The following PCDHGA1 variants were observed in gnomAD, a reference collection of about 807,000 sequenced individuals.
PCDHGA1 encodes the protein protocadherin gamma subfamily A, 1.
PCDHGA1 carries 32 observed loss-of-function variants against 58.0 expected under a neutral mutation model. That is an observed-to-expected ratio of 0.55 (90% confidence interval 0.42 to 0.74). PCDHGA1 has a LOEUF of 0.74. PCDHGA1 is among the 30% of genes least tolerant of loss of function. The pLI is 0.00. For synonymous variants in PCDHGA1, 498 were observed against 501.1 expected, an observed-to-expected ratio of 0.99 and a Z score of 0.08; for missense variants, 1,205 against 1,182.3, an observed-to-expected ratio of 1.02 and a Z score of -0.28.
At chr5:141,364,213 C>A (rs1212511912) in intron 1 of PCDHGA1, 4 of 1,275,024 alleles carry the variant, frequency 3.1e-6, no homozygotes, top group East Asian at 2.6e-5. Context: ...CAAGCTCCTA[C>A]GAAAAGCCAA....
intron 1 of PCDHGA1, chr5:141,342,794 G>T (rs2149729055): frequency 6.6e-6 from 1 of 152,260 alleles, no homozygotes; most frequent in Non-Finnish European, 1.5e-5. Flanking sequence ...ATATTTCTGT[G>T]CTTGGAAACT....
intron 1 of PCDHGA1, among the ~76,000 whole-genome samples, chr5:141,454,222 T>C (rs1411974754): frequency 6.6e-6 from 1 of 152,118 alleles, no homozygotes; most frequent in African/African-American, 2.4e-5. Flanking sequence ...ATGAGAAAAG[T>C]AATTGTGATG....
intron 1 of PCDHGA1, chr5:141,394,693 G>C: frequency 1.2e-6 from 2 of 1,613,006 alleles, no homozygotes; most frequent in Non-Finnish European, 1.7e-6. Context: ...GGCGAGGTGC[G>C]CACGGCGCGA....
At chr5:141,482,957 C>A (rs2099575063) in intron 1 of PCDHGA1, among the ~76,000 whole-genome samples, 2 of 57,944 alleles carry the variant, frequency 3.5e-5, no homozygotes, top group Admixed American at 1.5e-4. Context: ...CCTGTAATTC[C>A]AGCTACTTGA....
At chr5:141,398,506 A>G (rs2093664607) in intron 1 of PCDHGA1, 1 of 1,601,998 alleles carries the variant, frequency 6.2e-7, no homozygotes, top group South Asian at 1.1e-5. Context: ...CGAGGACATT[A>G]ATGACCACAC....
At chr5:141,441,864 G>A in intron 1 of PCDHGA1, 3 of 344,518 alleles carry the variant, frequency 8.7e-6, no homozygotes, top group Admixed American at 4.1e-5. Context: ...TGCACGCCGC[G>A]GAGCCTGGCT....
At chr5:141,392,973 C>A (rs1405082783) in intron 1 of PCDHGA1, 1 of 1,613,888 alleles carries the variant, frequency 6.2e-7, no homozygotes, top group South Asian at 1.1e-5. Flanking sequence ...GGACCTGGGG[C>A]TGGACCCCCG....
rs1419222918 is a variant in PCDHGA1, at chr5:141,360,532, T to C, written c.2421+27427T>C. ...GGATATAAATGATAATACCCCGCTA[T>C]TCAAACAGACTAAGATTAATTTAAA... On this transcript the variant is annotated intron_variant, in intron 1 of 3. Coordinates refer to ENST00000517417, the MANE Select transcript of PCDHGA1 (RefSeq NM_018912.3). 3 of 1,613,892 alleles carry C rather than the reference T, an allele frequency of 1.9e-6. No individual in the cohort carries two copies. The Admixed American group carries it at 5.0e-5, about 27-fold the overall frequency.
intron 1 of PCDHGA1, chr5:141,362,672 T>A: frequency 8.1e-7 from 1 of 1,241,688 alleles, no homozygotes; most frequent in Non-Finnish European, 1.1e-6. Context: ...TGTTGTGCCT[T>A]AATTGTCTTA....
In PCDHGA1 at chr5:141,332,160, A is replaced by G; in HGVS notation, c.1476A>G (p.Ile492Met). 1 of 1,614,188 alleles carries G rather than the reference A, an allele frequency of 6.2e-7. No individual in the cohort carries two copies. The highest frequency in any genetic ancestry group is 8.5e-7 in the Non-Finnish European group (1 of 1,180,044). ...ATGCACAAATCACTTACTCCCTAAT[A>G]GAGGACACTATCCAGGGGGCACCCC... Reference protein sequence around the residue: ...NENAQITYSLIEDTIQGAPLS... With the variant: ...NENAQITYSLMEDTIQGAPLS... Residue 492 changes from isoleucine (I) to methionine (M), a missense_variant, in exon 1 of 4, where the codon ATA becomes ATG. Coordinates refer to ENST00000517417, the MANE Select transcript of PCDHGA1 (RefSeq NM_018912.3). This position sits in a 1 kb window ranked among gnomAD's most constrained non-coding sequence, Gnocchi z 4.6.
In PCDHGA1 at chr5:141,489,663, C is replaced by T. The variant is rs1183544696; in HGVS notation, c.2422-5144C>T. The T allele has an allele frequency of 1.9e-6, 3 of 1,614,048 alleles. No individual in the cohort carries two copies. The highest frequency in any genetic ancestry group is 2.2e-5 in the South Asian group (2 of 91,094). ...TTGCCACCCCTGAGCGAGAGATGCGCATCTCAGAATCAGCAGCATCTGGGG... is the reference window on the plus strand; with the variant it reads ...TTGCCACCCCTGAGCGAGAGATGCGTATCTCAGAATCAGCAGCATCTGGGG... On this transcript the variant is annotated intron_variant, in intron 1 of 3. Coordinates refer to ENST00000517417, the MANE Select transcript of PCDHGA1 (RefSeq NM_018912.3). This position sits in a 1 kb window ranked among gnomAD's most constrained non-coding sequence, Gnocchi z 4.5.
In PCDHGA1 at chr5:141,376,126, C is replaced by T. The variant is rs770848918; in HGVS notation, c.2421+43021C>T. 8 of 1,613,916 alleles carry T rather than the reference C, an allele frequency of 5.0e-6. No individual in the cohort carries two copies. In the East Asian group the frequency reaches 1.3e-4, roughly 27 times the overall value. On this transcript the variant is annotated intron_variant, in intron 1 of 3. Transcript: ENST00000517417. ...CCGACCTGGGCAGCCTCGAGCCCTCCGCCAAACCCAACGATTCGGACCTCA... is the reference window on the plus strand; with the variant it reads ...CCGACCTGGGCAGCCTCGAGCCCTCTGCCAAACCCAACGATTCGGACCTCA...
rs765045682 is a variant in PCDHGA1 at position 141,331,104 on chromosome 5, T to C, written c.420T>C (p.Phe140=). Residue 140 remains phenylalanine, a synonymous_variant, in exon 1 of 4, where the codon TTT becomes TTC. Coordinates refer to ENST00000517417, the MANE Select transcript of PCDHGA1 (RefSeq NM_018912.3). ...TPQFQLEELE[F]KMNEITTPGT... is the part of the protein sequence containing the mutation. ...AATTCCAGTTAGAGGAACTGGAGTT[T>C]AAAATGAATGAAATAACGACTCCAG... 3.7e-6 allele frequency: 6 copies of C among 1,611,264 alleles called. No homozygotes were observed. In the Admixed American group the frequency reaches 6.7e-5, roughly 18 times the overall value.
At chr5:141,484,620 C>G (rs536622819) in intron 1 of PCDHGA1, among the ~76,000 whole-genome samples, 25 of 151,974 alleles carry the variant, frequency 1.6e-4, no homozygotes, top group African/African-American at 6.0e-4. Flanking sequence ...ACAACACTGG[C>G]TTGAACAAAG....
At chr5:141,388,209 G>A in intron 1 of PCDHGA1, 1 of 1,586,286 alleles carries the variant, frequency 6.3e-7, no homozygotes, top group Non-Finnish European at 8.6e-7. Context: ...ATTTGAGGCT[G>A]TTGCTGAAAA....
intron 1 of PCDHGA1, chr5:141,411,384 A>G (rs1280664726): frequency 6.6e-6 from 1 of 152,092 alleles, no homozygotes; most frequent in Non-Finnish European, 1.5e-5. Context: ...AGCCTGGGCA[A>G]TATAGGGAGA....
chr5:141,388,861 T>C lies in PCDHGA1; in HGVS notation c.2421+55756T>C, dbSNP rs1487226750. 7 of 1,613,872 alleles carry C rather than the reference T, an allele frequency of 4.3e-6. No homozygotes were observed. The East Asian group carries it at 1.1e-4, about 26-fold the overall frequency. On this transcript the variant is annotated intron_variant, in intron 1 of 3. Transcript: ENST00000517417. ...GAAGCAAGGGACGGTGGAGGAATGATTGCGCAATGCACAGTGGAGGTAGAA... is the reference window on the plus strand; with the variant it reads ...GAAGCAAGGGACGGTGGAGGAATGACTGCGCAATGCACAGTGGAGGTAGAA...
chr5:141,394,361 G>A (rs2092984834), intron 1 of PCDHGA1: 15 of 1,614,072 alleles, frequency 9.3e-6, no homozygotes, highest in Non-Finnish European at 1.2e-5. Context: ...TCCTGTATGC[G>A]CTGCAATCTT....
intron 1 of PCDHGA1, among the ~76,000 whole-genome samples, chr5:141,449,298 T>C (rs1197693931): frequency 6.6e-6 from 1 of 152,058 alleles, no homozygotes; most frequent in Non-Finnish European, 1.5e-5. Flanking sequence ...CCGGGTGAAT[T>C]ATATGTATTA....
Sources: gnomAD v4.1 joint callset for allele counts (sites outside exome capture counted in the v4.1 genomes callset) on GRCh38, gnomAD v4.1.1 for gene constraint, Gnocchi (gnomAD v3.1) non-coding constraint, MANE v1.5 for transcripts, NCBI Gene and HGNC (gene_info 2026-07-23, HGNC 2026-07-21) for gene names.